RALGDS: variants seen among roughly 807,000 people sequenced by gnomAD.
The protein encoded by RALGDS is ral guanine nucleotide exchange factor.
A neutral mutation model predicts 99.8 loss-of-function variants in RALGDS; 44 were observed. That is an observed-to-expected ratio of 0.44 (90% CI 0.35 to 0.57). The LOEUF (loss-of-function observed/expected upper bound fraction) is 0.57, where lower values mean the gene tolerates loss of function less well. Ranked by LOEUF, RALGDS falls within the 20% of genes least tolerant of loss-of-function variation. The pLI is 0.01. For missense variants in RALGDS, 1,022 were observed against 1,203.1 expected (o/e 0.85, Z 2.23); for synonymous variants, 529 against 505.0 (o/e 1.05, Z -0.64).
chr9:133,121,107 G>A lies in RALGDS; in HGVS notation c.48C>T (p.Ala16=). ...GCCGGGAGCCCGGAAACAGCGGCTC[G>A]GCGCCGCCAGCAGGCCCGGCCGCCT... ...WAEAAGPAGG[A]EPLFPGSRRS... The change falls in exon 1 of 18, where the codon GCC becomes GCT. Residue 16 remains alanine (A), a synonymous_variant. Transcript: ENST00000372050. The A allele has an allele frequency of 1.4e-6, 2 of 1,470,560 alleles. No homozygotes were observed. The highest frequency in any genetic ancestry group is 9.0e-7 in the Non-Finnish European group (1 of 1,116,408). 91.1% of individuals were successfully genotyped at this position (1,470,560 alleles called of 1,614,324 possible). A position where few individuals can be genotyped will look rare whatever the true frequency, so the allele number is the denominator to read the frequency against.
Position 133,144,674 on chromosome 9 carries a change from C to T in RALGDS, c.18+4289G>A, listed in dbSNP as rs1023211842. ...CCGCTCACGCCCCCACACCCCCTGG[C>T]TGGGGGCTGGGTTCCTGCGATGTCT... On this transcript the variant is annotated intron_variant, in intron 1 of 17. Coordinates refer to the RALGDS transcript ENST00000393160. The surrounding 1 kb of genome is among the most constrained non-coding windows in gnomAD (Gnocchi z 4.5). Among the ~76,000 whole-genome samples the T allele has an allele frequency of 2.0e-5, 3 of 152,238 alleles. No individual in the cohort carries two copies. The highest frequency in any genetic ancestry group is 4.4e-5 in the Non-Finnish European group (3 of 68,038).
chr9:133,113,338 C>T (rs1480343707), intron 1 of RALGDS, among the ~76,000 whole-genome samples: 3 of 152,162 alleles, frequency 2.0e-5, no homozygotes, highest in Admixed American at 6.5e-5. Context: ...ATGCTGTGGA[C>T]GGGACCCTGG....
chr9:133,101,878 A>T, intron 15 of RALGDS, 60 bp downstream of exon 15: 1 of 1,551,150 alleles, frequency 6.4e-7, no homozygotes, highest in Non-Finnish European at 8.7e-7. Context: ...TCCTGGCCCC[A>T]TGCATGGATT....
intron 1 of RALGDS, among the ~76,000 whole-genome samples, chr9:133,141,148 T>G (rs934657859): frequency 2.0e-5 from 3 of 152,006 alleles, no homozygotes; most frequent in African/African-American, 7.3e-5. Flanking sequence ...CCTGGCTCCA[T>G]GAGAGCACCG....
chr9:133,131,074 A>C (rs1269760857), exon 1 of RALGDS: 2 of 1,504,924 alleles, frequency 1.3e-6, no homozygotes, highest in African/African-American at 2.8e-5. Context: ...GAGTGCCCCC[A>C]CAGGCACATC....
chr9:133,142,341 CT>C (rs1832537958), intron 1 of RALGDS, among the ~76,000 whole-genome samples: 1 of 152,074 alleles, frequency 6.6e-6, no homozygotes. Context: ...GCCTCAGAGT[CT>C]TCTTTTTGGG....
intron 1 of RALGDS, among the ~76,000 whole-genome samples, chr9:133,140,798 C>G (rs1176757225): frequency 6.6e-6 from 1 of 152,182 alleles, no homozygotes; most frequent in Non-Finnish European, 1.5e-5. Flanking sequence ...TGGGGGCTCG[C>G]CTCATCCGCC....
chr9:133,119,889 G>C (rs530541190), intron 1 of RALGDS, among the ~76,000 whole-genome samples: 2 of 152,304 alleles, frequency 1.3e-5, no homozygotes, highest in Non-Finnish European at 2.9e-5. Context: ...GGGACACCAA[G>C]AGGCACGAGA....
Position 133,107,970 on chromosome 9 carries a change from C to T in RALGDS, c.1197+18G>A. 3 of 1,612,766 alleles carry T rather than the reference C, an allele frequency of 1.9e-6. No individual in the cohort carries two copies. The highest frequency in any genetic ancestry group is 2.5e-6 in the Non-Finnish European group (3 of 1,180,020). On this transcript the variant is annotated intron_variant, in intron 6 of 17. Coordinates refer to ENST00000372050, the MANE Select transcript of RALGDS (RefSeq NM_006266.4). ...AGAAGGCAGGCCCACCCCTGCCCTG[C>T]CAAGCTGAGCTGCTCACCGCATCCA...
At chr9:133,120,258 A>G (rs1168143330) in intron 1 of RALGDS, among the ~76,000 whole-genome samples, 13 of 151,148 alleles carry the variant, frequency 8.6e-5, no homozygotes, top group Admixed American at 4.6e-4. Context: ...CAGGTACACC[A>G]CTCCCTTCTC....
rs941930563 is a variant in RALGDS at position 133,113,565 on chromosome 9, A to G, written c.184-1413T>C. On this transcript the variant is annotated intron_variant, in intron 1 of 17. Coordinates refer to ENST00000372050, the MANE Select transcript of RALGDS (RefSeq NM_006266.4). The stretch of plus-strand genomic sequence containing the variant: ...GGCACACTCACACCCACACCCCACA[A>G]ACAGCCCCGCCAGGGGAGGTCTGGC... 3.1e-4 allele frequency among the ~76,000 whole-genome samples: 47 copies of G among 152,226 alleles called. 1 individual carries two copies. The highest frequency in any genetic ancestry group is 7.2e-5 in the African/African-American group (3 of 41,538).
chr9:133,119,817 C>T (rs1402773499), intron 1 of RALGDS, among the ~76,000 whole-genome samples: 1 of 152,162 alleles, frequency 6.6e-6, no homozygotes. Flanking sequence ...TGTTCCCCCA[C>T]CAAGAGCTCT....
rs181672343 is a variant in RALGDS, at chr9:133,101,948, T to G, written c.2201A>C (p.Gln734Pro). 1 of 1,551,210 alleles carries G rather than the reference T, an allele frequency of 6.4e-7. No homozygotes were observed. The highest frequency in any genetic ancestry group is 2.4e-5 in the East Asian group (1 of 40,932). The change falls in exon 15 of 18, where the codon CAG becomes CCG. Residue 734 changes from glutamine (Q) to proline (P), a missense_variant. This residue lies in a region of RALGDS where 825 missense variants were observed against 994.5 expected (regional missense o/e 0.83). Coordinates refer to ENST00000372050, the MANE Select transcript of RALGDS (RefSeq NM_006266.4). ...ISFVPESPDG[Q>P]EKKFWESASQ... ...AGGGCAGGCAGTCACCTTCTTTTCCTGGCCATCAGGAGACTCCGGGACGAA... is the reference window on the plus strand; with the variant it reads ...AGGGCAGGCAGTCACCTTCTTTTCCGGGCCATCAGGAGACTCCGGGACGAA...
rs745523786 is a variant in RALGDS at position 133,108,343 on chromosome 9, C to G, written c.842G>C (p.Arg281Pro). 1 of 1,541,166 alleles carries G rather than the reference C, an allele frequency of 6.5e-7. No homozygotes were observed. Among genetic ancestry groups the G allele is most frequent in the East Asian group, 2.4e-5 (1 of 40,930 alleles). Residue 281 changes from arginine (R) to proline (P), a missense_variant, in exon 6 of 18, where the codon CGA (arginine) becomes CCA (proline). Physicochemically the swap from Arg to Pro is moderately radical, Grantham distance 103. Coordinates refer to ENST00000372050, the MANE Select transcript of RALGDS (RefSeq NM_006266.4). ...PELELALTPA[R>P]APSPVPAPAP... ...TGGAGCCGGCACTGGGCTGGGTGCT[C>G]GAGCTGGTGTTAGAGCTAGCTCGAG...
In RALGDS at chr9:133,144,485, C is replaced by A. The variant is rs1564256552; in HGVS notation, c.18+4478G>T. On this transcript the variant is annotated intron_variant, in intron 1 of 17. Transcript: ENST00000393160. The surrounding 1 kb of genome is among the most constrained non-coding windows in gnomAD (Gnocchi z 4.5). Reference sequence around the variant, plus strand: ...CCGTGTGTGTCACCCATGAGGTGGCCGTGCCCCTGGCCTGTTTACAGCTGT... The same window carrying A: ...CCGTGTGTGTCACCCATGAGGTGGCAGTGCCCCTGGCCTGTTTACAGCTGT... 6.6e-6 allele frequency among the ~76,000 whole-genome samples: 1 copy of A among 152,226 alleles called. No homozygotes were observed. The highest frequency in any genetic ancestry group is 1.5e-5 in the Non-Finnish European group (1 of 68,046).
At chr9:133,111,851 A>G (rs1199028596) in intron 2 of RALGDS, among the ~76,000 whole-genome samples, 191 bp downstream of exon 2, 2 of 152,192 alleles carry the variant, frequency 1.3e-5, no homozygotes, top group African/African-American at 2.4e-5. Flanking sequence ...GAGGATGGTG[A>G]GGCTGATGGC....
At position 133,107,109 on chromosome 9, in the gene RALGDS, C is replaced by T. The variant is rs776852578; in HGVS notation, c.1389G>A (p.Val463=). The T allele has an allele frequency of 1.2e-6, 2 of 1,613,638 alleles. No homozygotes were observed. Among genetic ancestry groups the T allele is most frequent in the South Asian group, 2.2e-5 (2 of 91,092 alleles). The change falls in exon 7 of 18, where the codon GTG becomes GTA. Residue 463 remains valine, a synonymous_variant. Coordinates refer to ENST00000372050, the MANE Select transcript of RALGDS (RefSeq NM_006266.4). ...CCCTGGCCACCTCGATCCAGTGCTC[C>T]ACCACCCTGGCCCTGTCTGGGGCTT... ...STKAPDRARV[V]EHWIEVAREC...
At chr9:133,099,035 C>T in intron 17 of RALGDS, 1 of 454,668 alleles carries the variant, frequency 2.2e-6, no homozygotes, top group Non-Finnish European at 4.1e-6. Flanking sequence ...TCACCCCGTC[C>T]TGCCCATACT....
intron 5 of RALGDS, 126 bp downstream of exon 5, chr9:133,108,547 T>C: frequency 7.0e-7 from 1 of 1,425,694 alleles, no homozygotes; most frequent in Non-Finnish European, 9.6e-7. Context: ...CTGTGGTCCC[T>C]GCCTGTGTGG....
Sources: gnomAD v4.1 joint callset for allele counts (sites outside exome capture counted in the v4.1 genomes callset) on GRCh38, gnomAD v4.1.1 for gene constraint, gnomAD v4.1.1 regional missense constraint, Gnocchi (gnomAD v3.1) non-coding constraint, MANE v1.5 for transcripts, NCBI Gene and HGNC (gene_info 2026-07-23, HGNC 2026-07-21) for gene names.